RIPOR3: variants seen among roughly 807,000 people sequenced by gnomAD.
The protein encoded by RIPOR3 is family with sequence similarity 65 member C.
RIPOR3 carries 95 observed loss-of-function variants against 114.3 expected under a neutral mutation model. That is an observed-to-expected ratio of 0.83 (90% confidence interval 0.70 to 0.99). The LOEUF is 0.99. Ranked by LOEUF, RIPOR3 falls within the 50% of genes least tolerant of loss-of-function variation. The pLI, the probability that RIPOR3 is intolerant of heterozygous loss-of-function variation, is 0.00. For missense variants in RIPOR3, 1,252 were observed against 1,266.9 expected (o/e 0.99, Z 0.18); for synonymous variants, 575 against 543.8 (o/e 1.06, Z -0.80).
intron 20 of RIPOR3, 30 bp downstream of exon 20, chr20:50,589,656 C>T: frequency 6.2e-7 from 1 of 1,608,370 alleles, no homozygotes; most frequent in Non-Finnish European, 8.5e-7. Flanking sequence ...GCTTTTCTAT[C>T]AGCCACTAAT....
At chr20:50,632,192 A>G (rs2084841067) in intron 1 of RIPOR3, among the ~76,000 whole-genome samples, 2 of 152,182 alleles carry the variant, frequency 1.3e-5, no homozygotes, top group African/African-American at 4.8e-5. Context: ...CCACAGCCCC[A>G]CATGTGCCGT....
At position 50,662,739 on chromosome 20, in the gene RIPOR3, G is replaced by A. The variant is rs554768295; in HGVS notation, c.3+28387C>T. Among the ~76,000 whole-genome samples the A allele has an allele frequency of 9.8e-5, 15 of 152,324 alleles. No individual in the cohort carries two copies. In the South Asian group the frequency reaches 3.1e-3, roughly 32 times the overall value. The stretch of plus-strand genomic sequence containing the variant: ...CACCACTCTCTGGCTGGTGACACGG[G>A]GGAAGTCAATTCTTTCCAAGCCTCA... On this transcript the variant is annotated intron_variant, in intron 1 of 21. Coordinates refer to ENST00000327979, the MANE Select transcript of RIPOR3 (RefSeq NM_001290268.2).
At chr20:50,690,642 A>G (rs4811095) in intron 1 of RIPOR3, among the ~76,000 whole-genome samples, 122,983 of 151,976 alleles carry the variant, frequency 0.81, 50,769 homozygotes, top group East Asian at 0.96. Context: ...AAAGCAAGTC[A>G]GAAAAACCTA....
intron 1 of RIPOR3, among the ~76,000 whole-genome samples, chr20:50,666,183 A>ATTTCTTTTCT (rs60151515): frequency 0.26 from 11,324 of 43,864 alleles, 3,026 homozygotes; most frequent in Non-Finnish European, 0.41. Context: ...AAGGACACCC[A>ATTTCTTTTCT]TTTCTTTTCT....
intron 1 of RIPOR3, among the ~76,000 whole-genome samples, chr20:50,663,205 A>G (rs4809802): frequency 0.84 from 127,463 of 151,934 alleles, 53,907 homozygotes; most frequent in East Asian, 0.95. Context: ...TTCTGCCTCC[A>G]AGGCCACATT....
At chr20:50,637,612 C>T (rs2085034610) in intron 1 of RIPOR3, among the ~76,000 whole-genome samples, 1 of 152,150 alleles carries the variant, frequency 6.6e-6, no homozygotes, top group Non-Finnish European at 1.5e-5. Context: ...TATGGGCTCA[C>T]GCCTGTAATC....
chr20:50,680,165 G>A (rs1342191367), intron 1 of RIPOR3, among the ~76,000 whole-genome samples: 3 of 152,310 alleles, frequency 2.0e-5, no homozygotes, highest in East Asian at 1.9e-4. Flanking sequence ...GTCATTAGAC[G>A]AGGCTCAACT....
Position 50,608,602 on chromosome 20 carries a change from C to G in RIPOR3, c.810+11G>C, listed in dbSNP as rs1338130234. On this transcript the variant is annotated intron_variant, in intron 10 of 21. Coordinates refer to ENST00000327979, the MANE Select transcript of RIPOR3 (RefSeq NM_001290268.2). ...AGGCACCCCAGCCCTGCCCCCGGGC[C>G]CCATCCCCACCTTGATGTCCAGGTT... 1 of 1,613,816 alleles carries G rather than the reference C, an allele frequency of 6.2e-7. No individual in the cohort carries two copies. The highest frequency in any genetic ancestry group is 8.5e-7 in the Non-Finnish European group (1 of 1,179,864).
chr20:50,589,644 A>G (rs750048177), intron 20 of RIPOR3, 42 bp downstream of exon 20: 1 of 1,595,484 alleles, frequency 6.3e-7, no homozygotes, highest in Non-Finnish European at 8.6e-7. Flanking sequence ...AACCACAAGC[A>G]GGCTTTTCTA....
chr20:50,652,609 A>AGG (rs1381977961), intron 1 of RIPOR3, among the ~76,000 whole-genome samples: 1 of 146,812 alleles, frequency 6.8e-6, no homozygotes, highest in Admixed American at 6.8e-5. Context: ...AAAAAAAAAA[A>AGG]AAAAGAAAAG....
chr20:50,678,441 G>C (rs953136862), intron 1 of RIPOR3, among the ~76,000 whole-genome samples: 1 of 152,142 alleles, frequency 6.6e-6, no homozygotes, highest in Non-Finnish European at 1.5e-5. Context: ...TGCCAGGCCA[G>C]AGTTGGCCAC....
At chr20:50,600,135 T>C (rs1167976717) in intron 13 of RIPOR3, among the ~76,000 whole-genome samples, 1 of 152,204 alleles carries the variant, frequency 6.6e-6, no homozygotes, top group Admixed American at 6.5e-5. Flanking sequence ...ACTCGTAGCC[T>C]CAAGCAATCC....
intron 2 of RIPOR3, among the ~76,000 whole-genome samples, chr20:50,622,466 G>A (rs1600602944): frequency 1.3e-5 from 2 of 152,120 alleles, no homozygotes; most frequent in African/African-American, 4.8e-5. Context: ...ACAGGTGTGA[G>A]CCACCGTGCC....
In RIPOR3 at chr20:50,636,734, C is replaced by T. The variant is rs557186734; in HGVS notation, c.4-5878G>A. The T allele has an allele frequency of 1.8e-5, 18 of 985,564 alleles. No individual in the cohort carries two copies. The East Asian group carries it at 1.0e-3, about 56-fold the overall frequency. 61.1% of individuals were successfully genotyped at this position (985,564 alleles called of 1,614,324 possible). ...GACACTGGGGACTGTCCTGGGCCTC[C>T]GTCCCCAAGGTGTGGCTGGAGGAAG... is the stretch of plus-strand genomic sequence containing the variant. On this transcript the variant is annotated intron_variant, in intron 1 of 21. Coordinates refer to ENST00000327979, the MANE Select transcript of RIPOR3 (RefSeq NM_001290268.2).
In RIPOR3 at chr20:50,630,829, A is replaced by C. The variant is rs1318697863; in HGVS notation, c.31T>G (p.Phe11Val). ...GCCCCTGTGTCCCCAGGGGACAGGA[A>C]CCGCAACCTCACCGACATGGTGGTC... MVTTMSVRLR[F>V]LSPGDTGAVG... Residue 11 changes from phenylalanine (F) to valine (V), a missense_variant, in exon 2 of 22, where the codon TTC becomes GTC. By Grantham distance (50) the Phe-to-Val change is conservative (BLOSUM62 -1). Transcript: ENST00000327979. The C allele has an allele frequency of 6.2e-7, 1 of 1,608,510 alleles. No individual in the cohort carries two copies. Among genetic ancestry groups the C allele is most frequent in the South Asian group, 1.1e-5 (1 of 89,990 alleles).
intron 1 of RIPOR3, among the ~76,000 whole-genome samples, chr20:50,672,486 A>C (rs1231955475): frequency 2.6e-5 from 4 of 152,180 alleles, no homozygotes; most frequent in African/African-American, 9.7e-5. Context: ...GCTCTTGCCC[A>C]AAAGCTGGCC....
intron 1 of RIPOR3, among the ~76,000 whole-genome samples, chr20:50,658,311 C>G (rs1165148012): frequency 6.6e-6 from 1 of 152,072 alleles, no homozygotes; most frequent in East Asian, 1.9e-4. Flanking sequence ...ATGGATGAAC[C>G]ATGAAGACAT....
At chr20:50,654,097 C>T (rs1001598323) in intron 1 of RIPOR3, 1 of 152,060 alleles carries the variant, frequency 6.6e-6, no homozygotes, top group African/African-American at 2.4e-5. Flanking sequence ...TTACCTTGTC[C>T]TTGTCTGGTG....
At chr20:50,594,434 A>G (rs1007307391) in intron 17 of RIPOR3, 119 bp downstream of exon 17, 2 of 1,226,590 alleles carry the variant, frequency 1.6e-6, no homozygotes, top group Middle Eastern at 2.2e-4. Context: ...GTCCGATGGC[A>G]TGAAGACACA....
Sources: allele counts gnomAD v4.1 joint callset (sites outside exome capture counted in the v4.1 genomes callset), GRCh38; gene constraint gnomAD v4.1.1; transcripts MANE v1.5; gene names NCBI Gene and HGNC (gene_info 2026-07-23, HGNC 2026-07-21).